Variants in POLE observed in about 807,000 individuals in gnomAD.
POLE encodes the protein DNA polymerase epsilon catalytic subunit A.
A neutral mutation model predicts 279.2 loss-of-function variants in POLE; 188 were observed. The observed-to-expected ratio is 0.67, with a 90% confidence interval of 0.60 to 0.76. POLE has a LOEUF of 0.76. Among genes scored for constraint, POLE ranks in the 30% least tolerant of loss-of-function variants. The pLI is 0.00. For missense variants in POLE, 2,703 were observed against 3,016.7 expected (o/e 0.90, Z 2.44); for synonymous variants, 1,214 against 1,172.5 (o/e 1.04, Z -0.72).
chr12:132,671,085 A>G (rs2042917885), intron 16 of POLE, among the ~76,000 whole-genome samples: 1 of 151,518 alleles, frequency 6.6e-6, no homozygotes, highest in South Asian at 2.1e-4. Context: ...CAACGTGGTG[A>G]AACCTCATCT....
intron 4 of POLE, 35 bp from the exon 5 acceptor site, chr12:132,680,081 G>A (rs192352992): frequency 1.3e-6 from 2 of 1,594,530 alleles, no homozygotes; most frequent in South Asian, 2.2e-5. Flanking sequence ...CTTTCCATTG[G>A]TAAAATACAT....
Position 132,634,370 on chromosome 12 carries a change from G to T in POLE, c.5820C>A (p.Ser1940=), listed in dbSNP as rs1593712510. ...SSRIHCGLQD[S]QKAGGAEDEQ... is the part of the protein sequence containing the mutation. ...CATCCTCTGCTCCCCCTGCTTTCTG[G>T]GAGTCTTGCTGTAACACATGAGACA... The change falls in exon 43 of 49, where the codon TCC becomes TCA. Residue 1940 remains serine, a synonymous_variant. Transcript: ENST00000320574. The surrounding 1 kb of genome is among the most constrained non-coding windows in gnomAD (Gnocchi z 4.0). The T allele has an allele frequency of 1.2e-6, 2 of 1,612,850 alleles. No individual in the cohort carries two copies. The highest frequency in any genetic ancestry group is 1.7e-6 in the Non-Finnish European group (2 of 1,179,238).
chr12:132,656,531 TG>T (rs927139232), intron 29 of POLE, among the ~76,000 whole-genome samples: 1 of 151,990 alleles, frequency 6.6e-6, no homozygotes, highest in African/African-American at 2.4e-5. Flanking sequence ...GCTAATTTTT[TG>T]TATTTTTAGT....
intron 41 of POLE, among the ~76,000 whole-genome samples, chr12:132,636,628 C>T (rs2042040847): frequency 6.6e-6 from 1 of 152,010 alleles, no homozygotes; most frequent in Admixed American, 6.6e-5. Flanking sequence ...TGCTGGCATG[C>T]ACCTCTAGTC....
chr12:132,672,376 T>C (rs975485238), intron 15 of POLE, 54 bp from the exon 16 acceptor site: 3 of 1,434,860 alleles, frequency 2.1e-6, no homozygotes, highest in Admixed American at 1.7e-5. Flanking sequence ...CACACTAGCC[T>C]GCCTCAGGTT....
At chr12:132,641,891 G>A in intron 38 of POLE, 40 bp from the exon 39 acceptor site, 1 of 1,584,056 alleles carries the variant, frequency 6.3e-7, no homozygotes, top group Non-Finnish European at 8.6e-7. Context: ...CATCCTGCCA[G>A]CTCCAGCACC....
In POLE at chr12:132,657,858, T is replaced by C. The variant is rs193075152; in HGVS notation, c.3378+10A>G. ...AACTTTTAAGAGTAGAGAACGCAAC[T>C]GGCACTCACTGCTCGAATATCAAAG... is the stretch of plus-strand genomic sequence containing the variant. On this transcript the variant is annotated intron_variant, in intron 27 of 48. Coordinates refer to ENST00000320574, the MANE Select transcript of POLE (RefSeq NM_006231.4). 341 of 1,573,916 alleles carry C rather than the reference T, an allele frequency of 2.2e-4. 2 individuals are homozygous for C. In the East Asian group the frequency reaches 2.2e-3, roughly 10 times the overall value.
intron 1 of POLE, 150 bp from the exon 2 acceptor site, chr12:132,681,429 C>G: frequency 1.3e-6 from 1 of 747,400 alleles, no homozygotes; most frequent in East Asian, 2.9e-5. Context: ...CTGCAAGCTC[C>G]GCCTCCCGGG....
chr12:132,676,382 G>GGGGA, intron 9 of POLE, 164 bp downstream of exon 9: 1 of 711,140 alleles, frequency 1.4e-6, no homozygotes, highest in South Asian at 1.6e-5. Context: ...CCACTCGAAA[G>GGGGA]GGGAGGGTAC....
rs772127913 is a variant in POLE, at chr12:132,634,278, T to C, written c.5912A>G (p.Asn1971Ser). Residue 1971 changes from asparagine (N) to serine (S), a missense_variant, in exon 43 of 49, where the codon AAC becomes AGC. By Grantham distance (46) the Asn-to-Ser change is conservative. This residue lies in a region of POLE where 1,551 missense variants were observed against 1,686.1 expected (regional missense o/e 0.92). Transcript: ENST00000320574. The surrounding 1 kb of genome is among the most constrained non-coding windows in gnomAD (Gnocchi z 4.0). ...GTTGTTTTCCAGTAAATCCTCCACG[T>C]TGGATTCCTCCGCCTCTTCCTCCTC... Reference protein sequence around the residue: ...GEEEEEAEESNVEDLLENNWN... With the variant: ...GEEEEEAEESSVEDLLENNWN... 34 of 1,614,090 alleles carry C rather than the reference T, an allele frequency of 2.1e-5. 1 individual carries two copies. In the South Asian group the frequency reaches 2.4e-4, roughly 11 times the overall value.
rs750826256 is a variant in POLE at position 132,672,249 on chromosome 12, T to C, written c.1760A>G (p.Lys587Arg). The part of the protein sequence containing the change: ...TLRHALEEEE[K>R]VPVEQVTNFE... The stretch of plus-strand genomic sequence containing the variant: ...GTTGGTGACTTGCTCCACAGGCACT[T>C]TCTCCTCTTCCTCAAGGGCGTGGCG... The change falls in exon 16 of 49, where the codon AAA becomes AGA. Residue 587 changes from lysine to arginine, a missense_variant. By Grantham distance (26) the Lys-to-Arg change is conservative. Coordinates refer to ENST00000320574, the MANE Select transcript of POLE (RefSeq NM_006231.4). The C allele has an allele frequency of 5.6e-6, 9 of 1,614,168 alleles. No homozygotes were observed. The Admixed American group carries it at 1.3e-4, about 24-fold the overall frequency.
Position 132,675,613 on chromosome 12 carries a change from C to T in POLE, c.1107-96G>A, listed in dbSNP as rs529765669. On this transcript the variant is annotated intron_variant, in intron 11 of 48. Coordinates refer to ENST00000320574, the MANE Select transcript of POLE (RefSeq NM_006231.4). This position sits in a 1 kb window ranked among gnomAD's most constrained non-coding sequence, Gnocchi z 4.3. ...TCAGACCCAGGGAGGAACCCAGACACGGGAGGTGCAGAGTGAACCCAGGAG... is the reference window on the plus strand; with the variant it reads ...TCAGACCCAGGGAGGAACCCAGACATGGGAGGTGCAGAGTGAACCCAGGAG... The T allele has an allele frequency of 7.5e-6, 12 of 1,590,936 alleles. No individual in the cohort carries two copies. Among genetic ancestry groups the T allele is most frequent in the South Asian group, 3.4e-5 (3 of 88,610 alleles).
Position 132,660,695 on chromosome 12 carries a change from T to C in POLE, c.3060+274A>G, listed in dbSNP as rs1462933137. ...GCCTCTACTTCCTGGTCTCAAGTGA[T>C]CCTCCCAAGTAGCTGGGACCACAGG... On this transcript the variant is annotated intron_variant, in intron 25 of 48. Transcript: ENST00000320574. 1.7e-5 allele frequency: 5 copies of C among 290,652 alleles called. No homozygotes were observed. The Admixed American group carries it at 2.4e-4, about 14-fold the overall frequency. The allele number at this position is 290,652 out of a possible 1,614,324, so 18.0% of individuals were successfully genotyped here.
intron 47 of POLE, 47 bp from the exon 48 acceptor site, chr12:132,625,041 A>G: frequency 7.0e-7 from 1 of 1,420,580 alleles, no homozygotes; most frequent in Non-Finnish European, 9.9e-7. Context: ...CGCGCTGGCC[A>G]GACCTGCCTG....
At chr12:132,641,117 T>A (rs1267712545) in intron 39 of POLE, 6 of 455,004 alleles carry the variant, frequency 1.3e-5, no homozygotes, top group Admixed American at 7.1e-5. Context: ...CCTGGGCTGA[T>A]GTGGGGACAG....
intron 1 of POLE, among the ~76,000 whole-genome samples, chr12:132,687,033 C>T (rs957931853): frequency 2.0e-5 from 3 of 151,666 alleles, no homozygotes; most frequent in African/African-American, 7.2e-5. Context: ...CCGCGCGGCC[C>T]GCCTCGTTTC....
intron 47 of POLE, 36 bp from the exon 48 acceptor site, chr12:132,625,030 C>G (rs892476623): frequency 3.9e-6 from 6 of 1,528,392 alleles, no homozygotes; most frequent in African/African-American, 1.4e-5. Context: ...GCCAGCCCTC[C>G]CGCGCTGGCC....
chr12:132,644,066 A>G (rs76893760), intron 32 of POLE, 89 bp from the exon 33 acceptor site: 5 of 1,449,314 alleles, frequency 3.4e-6, no homozygotes, highest in Non-Finnish European at 3.8e-6. Context: ...TCGGAGTCCT[A>G]GACTTCTGGT....
chr12:132,630,965 G>T (rs2041923222), intron 45 of POLE, among the ~76,000 whole-genome samples: 1 of 152,166 alleles, frequency 6.6e-6, no homozygotes, highest in African/African-American at 2.4e-5. Flanking sequence ...TGACCTCAGA[G>T]AATTGAAATT....
Sources: gnomAD v4.1 joint callset for allele counts (sites outside exome capture counted in the v4.1 genomes callset) on GRCh38, gnomAD v4.1.1 for gene constraint, gnomAD v4.1.1 regional missense constraint, Gnocchi (gnomAD v3.1) non-coding constraint, MANE v1.5 for transcripts, NCBI Gene and HGNC (gene_info 2026-07-23, HGNC 2026-07-21) for gene names.